SDK1: variants seen among roughly 807,000 people sequenced by gnomAD.
SDK1 encodes protein sidekick-1.
A neutral mutation model predicts 245.5 loss-of-function variants in SDK1; 157 were observed. The ratio of observed to expected loss-of-function variants is 0.64; its 90% CI spans 0.56 to 0.73. The LOEUF is 0.73. SDK1 is among the 30% of genes least tolerant of loss of function. SDK1 has a pLI of 0.00. For missense variants in SDK1, 3,583 were observed against 3,002.3 expected, an observed-to-expected ratio of 1.19 and a Z score of -4.52; for synonymous variants, 1,647 against 1,278.5, an observed-to-expected ratio of 1.29 and a Z score of -6.15.
In SDK1 at chr7:4,149,469, G is replaced by A. The variant is rs1395292689; in HGVS notation, c.4625+6G>A. On this transcript the variant is annotated splice_donor_region_variant and intron_variant, in intron 30 of 44. Transcript: ENST00000404826. The stretch of plus-strand genomic sequence containing the variant: ...ACAGCATGCGTCGTTGACAGGTACT[G>A]AGAGAGCAGGAGCACCTCCCCGGGG... 4 of 1,457,404 alleles carry A rather than the reference G, an allele frequency of 2.7e-6. No individual in the cohort carries two copies. The highest frequency in any genetic ancestry group is 1.4e-5 in the African/African-American group (1 of 69,052). The allele number at this position is 1,457,404 out of a possible 1,614,324, so 90.3% of individuals were successfully genotyped here.
At chr7:3,922,949 CTT>C (rs1779644577) in intron 5 of SDK1, among the ~76,000 whole-genome samples, 1 of 152,198 alleles carries the variant, frequency 6.6e-6, no homozygotes, top group Non-Finnish European at 1.5e-5. Context: ...TCATAGCTAA[CTT>C]AATCTATTTT....
At chr7:3,743,532 T>C (rs149855414) in intron 4 of SDK1, among the ~76,000 whole-genome samples, 132 of 152,312 alleles carry the variant, frequency 8.7e-4, no homozygotes, top group African/African-American at 3.1e-3. Context: ...AATGCACTTA[T>C]ACCCTCCAGA....
chr7:3,614,122 CTTAAAAG>C (rs1299586068), intron 1 of SDK1, among the ~76,000 whole-genome samples: 2 of 152,134 alleles, frequency 1.3e-5, no homozygotes, highest in East Asian at 1.9e-4. Context: ...TGAACCTGAA[CTTAAAAG>C]TTAAAAATTA....
intron 1 of SDK1, among the ~76,000 whole-genome samples, chr7:3,317,836 A>G (rs1357183742): frequency 6.6e-6 from 1 of 152,216 alleles, no homozygotes; most frequent in Non-Finnish European, 1.5e-5. Flanking sequence ...CTAGGAGCCT[A>G]AGGTAACCTT....
chr7:3,926,010 C>T (rs1779753880), intron 5 of SDK1, among the ~76,000 whole-genome samples: 1 of 152,186 alleles, frequency 6.6e-6, no homozygotes, highest in Non-Finnish European at 1.5e-5. Context: ...GTAAGGGCAG[C>T]ACGTGAGAGT....
intron 4 of SDK1, among the ~76,000 whole-genome samples, chr7:3,761,009 T>C (rs1046608458): frequency 2.6e-5 from 4 of 152,228 alleles, no homozygotes; most frequent in Admixed American, 6.5e-5. Context: ...AGCATTTGCC[T>C]ACATGTAATT....
At chr7:4,085,703 C>T (rs1027639881) in intron 22 of SDK1, among the ~76,000 whole-genome samples, 103 of 152,020 alleles carry the variant, frequency 6.8e-4, no homozygotes, top group African/African-American at 2.4e-3. Flanking sequence ...TACAGGTGCT[C>T]GCCACCACGC....
chr7:3,721,325 A>G (rs534795523), intron 4 of SDK1, among the ~76,000 whole-genome samples: 71 of 152,262 alleles, frequency 4.7e-4, no homozygotes, highest in Admixed American at 1.4e-3. Flanking sequence ...CCTGGTTTTG[A>G]TGTTGTTTGG....
At chr7:3,465,761 G>A (rs1780980153) in intron 1 of SDK1, among the ~76,000 whole-genome samples, 1 of 152,272 alleles carries the variant, frequency 6.6e-6, no homozygotes, top group African/African-American at 2.4e-5. Flanking sequence ...TGAGACCACT[G>A]TGTTGGTGTT....
chr7:4,050,706 A>C (rs1789384985), intron 18 of SDK1, among the ~76,000 whole-genome samples: 1 of 152,036 alleles, frequency 6.6e-6, no homozygotes, highest in Admixed American at 6.6e-5. Flanking sequence ...TAAATTATAA[A>C]TAATTAAGAT....
intron 1 of SDK1, among the ~76,000 whole-genome samples, chr7:3,324,011 A>G (rs1272853541): frequency 6.6e-6 from 1 of 152,192 alleles, no homozygotes; most frequent in Non-Finnish European, 1.5e-5. Flanking sequence ...CAAGAATTGT[A>G]TCATGTTATC....
In SDK1 at chr7:4,237,785, G is replaced by A. The variant is rs1289064916; in HGVS notation, c.6130+1G>A. On this transcript the variant is annotated splice_donor_variant, in intron 42 of 44. Coordinates refer to ENST00000404826, the MANE Select transcript of SDK1 (RefSeq NM_152744.4). LOFTEE classifies it high-confidence loss of function. The stretch of plus-strand genomic sequence containing the variant: ...AAGAAGTATAAGAACTGCAGCACAG[G>A]TGCAGGTCCAGCCCCTTCCTCGCGT... 5 of 1,614,052 alleles carry A rather than the reference G, an allele frequency of 3.1e-6. No individual in the cohort carries two copies. The East Asian group carries it at 8.9e-5, about 29-fold the overall frequency.
At chr7:3,475,017 T>C (rs927912441) in intron 1 of SDK1, among the ~76,000 whole-genome samples, 1 of 152,204 alleles carries the variant, frequency 6.6e-6, no homozygotes, top group African/African-American at 2.4e-5. Context: ...TCCTAACTGA[T>C]ACCCCTGCAT....
chr7:4,094,667 C>A lies in SDK1; in HGVS notation c.3324+15083C>A, dbSNP rs546526561. 3.9e-5 allele frequency among the ~76,000 whole-genome samples: 6 copies of A among 152,274 alleles called. No homozygotes were observed. In the East Asian group the frequency reaches 9.7e-4, roughly 25 times the overall value. On this transcript the variant is annotated intron_variant, in intron 22 of 44. Coordinates refer to ENST00000404826, the MANE Select transcript of SDK1 (RefSeq NM_152744.4). Reference sequence around the variant, plus strand: ...GAGGTTTCCTTTATTGTTATCAAACCGGACTTGTGGACCTCCCTGGCACAG... The same window carrying A: ...GAGGTTTCCTTTATTGTTATCAAACAGGACTTGTGGACCTCCCTGGCACAG...
chr7:4,147,577 C>G (rs1232935383), intron 29 of SDK1, among the ~76,000 whole-genome samples: 4 of 152,150 alleles, frequency 2.6e-5, no homozygotes, highest in Non-Finnish European at 5.9e-5. Context: ...CCTCCCATAG[C>G]ATTCAGTGAA....
Position 4,145,710 on chromosome 7 carries a change from A to G in SDK1, c.4229-12A>G. On this transcript the variant is annotated splice_polypyrimidine_tract_variant and intron_variant, in intron 28 of 44. Coordinates refer to ENST00000404826, the MANE Select transcript of SDK1 (RefSeq NM_152744.4). ...TGGCTCAGCAGCTGTCTCCCATGTC[A>G]CCTGCCTGCAGGGTACCAGATTGCC... 1 of 1,589,950 alleles carries G rather than the reference A, an allele frequency of 6.3e-7. No homozygotes were observed. The highest frequency in any genetic ancestry group is 8.6e-7 in the Non-Finnish European group (1 of 1,167,636).
At chr7:3,782,088 C>T (rs1780763448) in intron 4 of SDK1, among the ~76,000 whole-genome samples, 1 of 152,094 alleles carries the variant, frequency 6.6e-6, no homozygotes, top group African/African-American at 2.4e-5. Flanking sequence ...AAAGGAATAC[C>T]CAAGACTGGG....
At chr7:4,189,426 C>T (rs1783066714) in intron 35 of SDK1, among the ~76,000 whole-genome samples, 1 of 152,158 alleles carries the variant, frequency 6.6e-6, no homozygotes, top group South Asian at 2.1e-4. Context: ...CAGGACTTGC[C>T]TTTTTTCCAC....
At chr7:3,626,913 C>T (rs1209142676) in intron 2 of SDK1, among the ~76,000 whole-genome samples, 2 of 149,906 alleles carry the variant, frequency 1.3e-5, no homozygotes, top group African/African-American at 2.4e-5. Context: ...CATATCTTGA[C>T]CTCAGGTTCA....
Sources: gnomAD v4.1 joint callset for allele counts (sites outside exome capture counted in the v4.1 genomes callset) on GRCh38, gnomAD v4.1.1 for gene constraint, MANE v1.5 for transcripts, NCBI Gene and HGNC (gene_info 2026-07-23, HGNC 2026-07-21) for gene names.